Variants in ATP2C2 observed in about 807,000 individuals in gnomAD.
The protein encoded by ATP2C2 is ATPase secretory pathway Ca2+ transporting 2, also known as calcium-transporting ATPase type 2C member 2.
In ATP2C2, 171 loss-of-function variants were observed where a neutral mutation model predicts 110.8. The ratio of observed to expected loss-of-function variants is 1.54; its 90% confidence interval spans 1.36 to 1.75. The LOEUF is 1.75. Among genes scored for constraint, ATP2C2 ranks in the 40% most tolerant of loss-of-function variants. The pLI is 0.00. For synonymous variants in ATP2C2, 804 were observed against 508.4 expected (o/e 1.58, Z -7.82); for missense variants, 1,963 against 1,235.0 (o/e 1.59, Z -8.84).
chr16:84,419,099 C>G (rs899116083), intron 7 of ATP2C2, among the ~76,000 whole-genome samples: 1 of 149,980 alleles, frequency 6.7e-6, no homozygotes, highest in African/African-American at 2.5e-5. Context: ...GTCCCAGCTA[C>G]TCAGGAGACT....
intron 25 of ATP2C2, 48 bp downstream of exon 25, chr16:84,461,860 C>T (rs367800319): frequency 1.5e-5 from 24 of 1,606,000 alleles, no homozygotes; most frequent in Middle Eastern, 1.6e-4. Flanking sequence ...TGTGTGTTCT[C>T]GACAGCAGCG....
chr16:84,386,446 C>T (rs1904325460), intron 1 of ATP2C2, among the ~76,000 whole-genome samples: 1 of 152,198 alleles, frequency 6.6e-6, no homozygotes, highest in Admixed American at 6.5e-5. Context: ...TGCACAATTT[C>T]CCTGTATGTA....
At position 84,368,598 on chromosome 16, in the gene ATP2C2, C is replaced by T. The variant is rs765466381; in HGVS notation, c.-18C>T. The T allele has an allele frequency of 4.6e-6, 7 of 1,533,060 alleles. No homozygotes were observed. Among genetic ancestry groups the T allele is most frequent in the African/African-American group, 2.8e-5 (2 of 70,656 alleles). 95.0% of individuals were successfully genotyped at this position (1,533,060 alleles called of 1,614,324 possible). On this transcript the variant is annotated 5_prime_UTR_variant, in exon 1 of 27. In the 5' UTR this introduces an upstream ATG that the reference lacks. Transcript: ENST00000262429. ...GCCGGGGACCTAGGGACGCAGGCAA[C>T]GCCTGCGCCCGCTCACCATGGTCGA...
chr16:84,415,994 A>G (rs1484872332), intron 7 of ATP2C2, among the ~76,000 whole-genome samples: 5 of 152,146 alleles, frequency 3.3e-5, no homozygotes, highest in South Asian at 2.1e-4. Context: ...CCTGGCCAAC[A>G]TGGTGAAACT....
At chr16:84,397,673 A>AAAAAAAAAAAG (rs1905079752) in intron 1 of ATP2C2, among the ~76,000 whole-genome samples, 1 of 140,404 alleles carries the variant, frequency 7.1e-6, no homozygotes, top group Admixed American at 7.1e-5. Flanking sequence ...AAAAAAAAAA[A>AAAAAAAAAAAG]CTTGCTTAAA....
chr16:84,420,446 G>T (rs1403748415), intron 7 of ATP2C2, among the ~76,000 whole-genome samples: 2 of 150,188 alleles, frequency 1.3e-5, no homozygotes, highest in East Asian at 3.9e-4. Flanking sequence ...CGGGGTGGGG[G>T]TCATCTTTGA....
intron 1 of ATP2C2, among the ~76,000 whole-genome samples, chr16:84,389,518 C>A (rs973983744): frequency 6.6e-5 from 10 of 152,162 alleles, no homozygotes; most frequent in African/African-American, 2.2e-4. Flanking sequence ...ACTGGAAAAT[C>A]ATCTGGTGTT....
chr16:84,381,399 A>G (rs1228280493), intron 1 of ATP2C2, among the ~76,000 whole-genome samples: 1 of 152,240 alleles, frequency 6.6e-6, no homozygotes, highest in Non-Finnish European at 1.5e-5. Context: ...CCTGACAGTG[A>G]AACCTCATCT....
At chr16:84,441,558 T>A (rs1418224700) in intron 14 of ATP2C2, among the ~76,000 whole-genome samples, 1 of 152,192 alleles carries the variant, frequency 6.6e-6, no homozygotes, top group East Asian at 1.9e-4. Context: ...GAGCGCCACT[T>A]GCAAAGGACC....
At chr16:84,392,825 C>T (rs967251606) in intron 1 of ATP2C2, among the ~76,000 whole-genome samples, 1 of 152,048 alleles carries the variant, frequency 6.6e-6, no homozygotes, top group African/African-American at 2.4e-5. Flanking sequence ...CCTACAGTTC[C>T]CACAGTCTAG....
chr16:84,438,633 G>A (rs544239416), intron 11 of ATP2C2, among the ~76,000 whole-genome samples: 3 of 152,222 alleles, frequency 2.0e-5, no homozygotes, highest in South Asian at 4.1e-4. Flanking sequence ...CAGACACCCC[G>A]AAACAGATCC....
rs1170087721 is a variant in ATP2C2, at chr16:84,398,555, G to GC, written c.162dup (p.Lys55GlnfsTer39). 1.9e-6 allele frequency: 3 copies of GC among 1,613,546 alleles called. No homozygotes were observed. Among genetic ancestry groups the GC allele is most frequent in the South Asian group, 1.1e-5 (1 of 90,990 alleles). ...AGAAAGAGAAGAAGGTGACAGCCCTGCCCCCCAAGGAAGCGTGCAAATGCC... is the reference window on the plus strand; with the variant it reads ...AGAAAGAGAAGAAGGTGACAGCCCTGCCCCCCCAAGGAAGCGTGCAAATGCC... On this transcript the variant is annotated frameshift_variant, in exon 2 of 27. Coordinates refer to ENST00000262429, the MANE Select transcript of ATP2C2 (RefSeq NM_014861.4). LOFTEE classifies it high-confidence loss of function.
At position 84,453,238 on chromosome 16, in the gene ATP2C2, G is replaced by C; in HGVS notation, c.1929+3G>C. The C allele has an allele frequency of 1.9e-6, 3 of 1,614,054 alleles. No individual in the cohort carries two copies. Among genetic ancestry groups the C allele is most frequent in the Non-Finnish European group, 2.5e-6 (3 of 1,179,944 alleles). ...AGCTGGCCGACCGCGTGGGGAAGGT[G>C]GGTCCCCGGAGGCTTGGCTGGCAGT... On this transcript the variant is annotated splice_donor_region_variant and intron_variant, in intron 19 of 26. Transcript: ENST00000262429.
At chr16:84,416,898 C>T (rs1906884213) in intron 7 of ATP2C2, among the ~76,000 whole-genome samples, 7 of 146,856 alleles carry the variant, frequency 4.8e-5, no homozygotes, top group Admixed American at 2.8e-4. Context: ...ACATTTTCCA[C>T]GTTTTCCTTC....
At chr16:84,450,772 C>T (rs1227668330) in intron 17 of ATP2C2, among the ~76,000 whole-genome samples, 3 of 152,106 alleles carry the variant, frequency 2.0e-5, no homozygotes, top group Non-Finnish European at 2.9e-5. Context: ...AGGCCCAGGG[C>T]AAGCTCACAG....
intron 1 of ATP2C2, among the ~76,000 whole-genome samples, chr16:84,372,729 T>C (rs931257544): frequency 6.6e-6 from 1 of 152,000 alleles, no homozygotes; most frequent in Non-Finnish European, 1.5e-5. Context: ...TGGCCAGTGT[T>C]GTCTTAAATG....
chr16:84,453,562 G>T (rs978598251), intron 20 of ATP2C2, among the ~76,000 whole-genome samples, 191 bp downstream of exon 20: 2 of 152,156 alleles, frequency 1.3e-5, no homozygotes, highest in African/African-American at 2.4e-5. Flanking sequence ...GAGCAGGGGC[G>T]CGTGGGCAGC....
rs781222148 is a variant in ATP2C2 at position 84,416,912 on chromosome 16, C to T, written c.624+1321C>T. ...CACATTTTCCACGTTTTCCTTCTCC[C>T]GAGAAGGGGGGTCCTAACAGGGGAT... On this transcript the variant is annotated intron_variant, in intron 7 of 26. Coordinates refer to ENST00000262429, the MANE Select transcript of ATP2C2 (RefSeq NM_014861.4). Among the ~76,000 whole-genome samples the T allele has an allele frequency of 1.1e-4, 13 of 117,658 alleles. No homozygotes were observed. In the South Asian group the frequency reaches 1.2e-3, roughly 11 times the overall value. 77.2% of individuals were successfully genotyped at this position (117,658 alleles called of 152,430 possible). A position where few individuals can be genotyped will look rare whatever the true frequency, so the allele number is the denominator to read the frequency against.
At chr16:84,375,181 CAG>C (rs1324807034) in intron 1 of ATP2C2, among the ~76,000 whole-genome samples, 1 of 152,188 alleles carries the variant, frequency 6.6e-6, no homozygotes, top group African/African-American at 2.4e-5. Flanking sequence ...GACACTGAAA[CAG>C]ATGCTGTAGA....
Sources: gnomAD v4.1 joint callset for allele counts (sites outside exome capture counted in the v4.1 genomes callset) on GRCh38, gnomAD v4.1.1 for gene constraint, MANE v1.5 for transcripts, NCBI Gene and HGNC (gene_info 2026-07-23, HGNC 2026-07-21) for gene names.